Variants in MTMR8 observed in about 807,000 individuals in gnomAD.
The protein encoded by MTMR8 is myotubularin related protein 8.
MTMR8 carries 65 observed loss-of-function variants against 39.3 expected under a neutral mutation model. The ratio of observed to expected loss-of-function variants is 1.65; its 90% confidence interval spans 1.35 to 2.03. The LOEUF (loss-of-function observed/expected upper bound fraction) is 2.03. Among genes scored for constraint, MTMR8 ranks in the 30% most tolerant of loss-of-function variants. The pLI, the probability that MTMR8 is intolerant of heterozygous loss-of-function variation, is 0.00. For missense variants in MTMR8, 777 were observed against 538.9 expected (o/e 1.44, Z -4.37); for synonymous variants, 245 against 185.2 (o/e 1.32, Z -2.62).
At chrX:64,300,665 C>A (rs1921829022) in intron 12 of MTMR8, among the ~76,000 whole-genome samples, 1 of 101,966 alleles carries the variant, frequency 9.8e-6, no homozygotes, top group Non-Finnish European at 2.0e-5. Context: ...CAGTTTCTTC[C>A]TAGTCTCGAT....
intron 1 of MTMR8, among the ~76,000 whole-genome samples, chrX:64,385,257 C>A (rs1253333062): frequency 4.5e-5 from 5 of 111,967 alleles, no homozygotes; most frequent in Non-Finnish European, 7.5e-5. Flanking sequence ...GAGACCTCAT[C>A]AGCCTGGACT....
At position 64,385,263 on chromosome X, in the gene MTMR8, G is replaced by A. The variant is rs140657293; in HGVS notation, c.24+10077C>T. On this transcript the variant is annotated intron_variant, in intron 1 of 13. Transcript: ENST00000374852. ...TTTCCACCTGAGACCTCATCAGCCT[G>A]GACTTCATTGTCCATATCACTATCA... 9.9e-5 allele frequency among the ~76,000 whole-genome samples: 11 copies of A among 111,589 alleles called. No homozygotes were observed. The East Asian group carries it at 3.1e-3, about 32-fold the overall frequency.
At chrX:64,319,224 T>G (rs763835147) in intron 12 of MTMR8, among the ~76,000 whole-genome samples, 1 of 112,282 alleles carries the variant, frequency 8.9e-6, no homozygotes, top group South Asian at 3.7e-4. Flanking sequence ...AGAATAAACA[T>G]TTTCAAATTC....
At chrX:64,292,019 C>T (rs898487433) in intron 12 of MTMR8, among the ~76,000 whole-genome samples, 21 of 111,762 alleles carry the variant, frequency 1.9e-4, no homozygotes, top group African/African-American at 6.2e-4. Context: ...ATGTGGGTTA[C>T]CCCAGATCCC....
chrX:64,383,747 C>T (rs1452445508), intron 1 of MTMR8, among the ~76,000 whole-genome samples: 1 of 110,959 alleles, frequency 9.0e-6, no homozygotes, highest in East Asian at 2.8e-4. Context: ...CCCCATCATC[C>T]AATCACCTCC....
intron 12 of MTMR8, among the ~76,000 whole-genome samples, chrX:64,288,805 G>C (rs1348785357): frequency 9.1e-6 from 1 of 110,349 alleles, no homozygotes; most frequent in Non-Finnish European, 1.9e-5. Context: ...ACTCATAGGT[G>C]GGAAATGAAC....
chrX:64,284,984 T>A (rs1044560412), intron 12 of MTMR8, among the ~76,000 whole-genome samples: 2 of 111,777 alleles, frequency 1.8e-5, no homozygotes, highest in African/African-American at 6.5e-5. Flanking sequence ...ATATTAACCT[T>A]AAATGTAAAT....
At chrX:64,278,645 T>A (rs1379615549) in intron 12 of MTMR8, among the ~76,000 whole-genome samples, 1 of 108,215 alleles carries the variant, frequency 9.2e-6, no homozygotes, top group East Asian at 2.9e-4. Context: ...AACTAATTTT[T>A]TGTATTTTAG....
Position 64,314,310 on chromosome X carries a change from G to T in MTMR8, c.1481+14462C>A, listed in dbSNP as rs776000363. Among the ~76,000 whole-genome samples the T allele has an allele frequency of 2.7e-5, 3 of 112,914 alleles. No individual in the cohort carries two copies. The South Asian group carries it at 1.1e-3, about 41-fold the overall frequency. On this transcript the variant is annotated intron_variant, in intron 12 of 13. Coordinates refer to ENST00000374852, the MANE Select transcript of MTMR8 (RefSeq NM_017677.4). ...GCGGGGTGCATGCTTGTTTGCTGCA[G>T]CAGGGTGCTAGGAGGTGCCAGCATG...
chrX:64,369,401 T>A (rs1043933945), intron 1 of MTMR8, among the ~76,000 whole-genome samples: 5 of 111,815 alleles, frequency 4.5e-5, no homozygotes, highest in African/African-American at 1.6e-4. Flanking sequence ...TAAGAAAATG[T>A]GGCACATATA....
At chrX:64,296,727 C>T (rs1270664001) in intron 12 of MTMR8, among the ~76,000 whole-genome samples, 2 of 104,860 alleles carry the variant, frequency 1.9e-5, no homozygotes, top group Non-Finnish European at 3.9e-5. Context: ...CTATCCCTTC[C>T]CCCTCCCCCG....
chrX:64,308,028 T>C (rs1296685573), intron 12 of MTMR8, among the ~76,000 whole-genome samples: 1 of 111,797 alleles, frequency 8.9e-6, no homozygotes, highest in African/African-American at 3.2e-5. Flanking sequence ...TATGTTGATA[T>C]TGTGTCCTAT....
chrX:64,308,793 A>T (rs1419404100), intron 12 of MTMR8, among the ~76,000 whole-genome samples: 1 of 111,402 alleles, frequency 9.0e-6, no homozygotes, highest in East Asian at 2.8e-4. Flanking sequence ...CTGTGTCTAG[A>T]TTCAATTTTT....
intron 1 of MTMR8, among the ~76,000 whole-genome samples, chrX:64,380,647 G>C (rs781634508): frequency 8.9e-6 from 1 of 112,141 alleles, no homozygotes; most frequent in African/African-American, 3.2e-5. Flanking sequence ...ACAATGTGCA[G>C]GTTAGTTACA....
chrX:64,268,890 G>A lies in MTMR8; in HGVS notation c.1762C>T (p.Leu588=), dbSNP rs1020188402. Residue 588 remains leucine, a synonymous_variant, in exon 14 of 14, where the codon CTA becomes TTA. Transcript: ENST00000374852. The part of the protein sequence containing the change: ...DLNTLMENGT[L]SREGGLRAQM... ...GCTCGGAGGCCTCCTTCCCTGGATA[G>A]GGTGCCATTCTCCATCAGGGTATTC... 8 of 1,209,759 alleles carry A rather than the reference G, an allele frequency of 6.6e-6. No individual in the cohort carries two copies. The highest frequency in any genetic ancestry group is 1.8e-5 in the South Asian group (1 of 56,764).
In MTMR8 at chrX:64,292,512, C is replaced by T. The variant is rs1602111454; in HGVS notation, c.1482-21439G>A. On this transcript the variant is annotated intron_variant, in intron 12 of 13. Transcript: ENST00000374852. ...AGGAGATGAGTTGGAAGGGAAGATC[C>T]TGGGGAAGAGAACTGGTGACCTCTA... is the stretch of plus-strand genomic sequence containing the variant. Among the ~76,000 whole-genome samples, 3 of 110,472 alleles carry T rather than the reference C, an allele frequency of 2.7e-5. No homozygotes were observed. In the South Asian group the frequency reaches 1.2e-3, roughly 43 times the overall value.
chrX:64,376,119 C>A (rs926064012), intron 1 of MTMR8, among the ~76,000 whole-genome samples: 1 of 112,255 alleles, frequency 8.9e-6, no homozygotes, highest in African/African-American at 3.2e-5. Context: ...TCAATTAAAC[C>A]TCTTTTCTTC....
At chrX:64,310,504 T>C (rs897190021) in intron 12 of MTMR8, among the ~76,000 whole-genome samples, 12 of 112,089 alleles carry the variant, frequency 1.1e-4, no homozygotes, top group South Asian at 3.8e-4. Context: ...ATATTCTTTT[T>C]TTTAGAAAAA....
intron 12 of MTMR8, chrX:64,305,117 G>T: frequency 4.7e-6 from 1 of 214,724 alleles, no homozygotes; most frequent in South Asian, 7.9e-5. Flanking sequence ...ATTGCCTCTG[G>T]ATCAAGGCTA....
Sources: gnomAD v4.1 joint callset for allele counts (sites outside exome capture counted in the v4.1 genomes callset) on GRCh38, gnomAD v4.1.1 for gene constraint, MANE v1.5 for transcripts, NCBI Gene and HGNC (gene_info 2026-07-23, HGNC 2026-07-21) for gene names.